Variants in LOXHD1 observed in about 807,000 individuals in gnomAD.
LOXHD1 encodes the protein lipoxygenase homology PLAT domains 1, also known as lipoxygenase homology domain-containing protein 1.
LOXHD1 carries 205 observed loss-of-function variants against 248.2 expected under a neutral mutation model. The ratio of observed to expected loss-of-function variants is 0.83; its 90% CI spans 0.74 to 0.93. The LOEUF (loss-of-function observed/expected upper bound fraction) is 0.93, where lower values mean the gene tolerates loss of function less well. Ranked by LOEUF, LOXHD1 falls within the 40% of genes least tolerant of loss-of-function variation. LOXHD1 has a pLI of 0.00. For synonymous variants in LOXHD1, 1,113 were observed against 1,162.8 expected (o/e 0.96, Z 0.87); for missense variants, 2,930 against 2,971.6 (o/e 0.99, Z 0.33).
chr18:46,532,712 A>ACAATGGTTC (rs2036127017), intron 28 of LOXHD1, among the ~76,000 whole-genome samples: 1 of 152,136 alleles, frequency 6.6e-6, no homozygotes, highest in Non-Finnish European at 1.5e-5. Flanking sequence ...GAACAAATAC[A>ACAATGGTTC]CAATGGTTCC....
chr18:46,611,998 C>T (rs1219606774), intron 5 of LOXHD1, among the ~76,000 whole-genome samples: 1 of 152,152 alleles, frequency 6.6e-6, no homozygotes, highest in Non-Finnish European at 1.5e-5. Context: ...TTGTCACATA[C>T]CCTTATGCTA....
chr18:46,652,962 C>T (rs1488308729), intron 1 of LOXHD1, among the ~76,000 whole-genome samples: 4 of 152,142 alleles, frequency 2.6e-5, no homozygotes, highest in African/African-American at 7.2e-5. Context: ...TTTAAAAGTT[C>T]AAGAACAGGC....
At chr18:46,601,128 G>T in intron 8 of LOXHD1, 89 bp downstream of exon 8, 1 of 1,459,880 alleles carries the variant, frequency 6.8e-7, no homozygotes, top group Non-Finnish European at 9.2e-7. Flanking sequence ...CTAGTTCAGA[G>T]AAGTAGCATT....
In LOXHD1 at chr18:46,477,773, A is replaced by C. The variant is rs1256175515; in HGVS notation, c.6521T>G (p.Val2174Gly). ...GTTGGCCCCAAAGATGGTCACGAAG[A>C]CGTTGGCATCAGTGCCTGCCCCTGG... ...YEPGAGTDAN[V>G]FVTIFGANGD... Residue 2174 changes from valine to glycine, a missense_variant, in exon 41 of 41, where the codon GTC becomes GGC. Val to Gly is a moderately radical substitution (Grantham distance 109). Coordinates refer to ENST00000642948, the MANE Select transcript of LOXHD1 (RefSeq NM_001384474.1). 1 of 1,551,860 alleles carries C rather than the reference A, an allele frequency of 6.4e-7. No homozygotes were observed. The highest frequency in any genetic ancestry group is 2.0e-5 in the Admixed American group (1 of 51,014).
At chr18:46,512,319 C>G (rs1356375131) in intron 34 of LOXHD1, among the ~76,000 whole-genome samples, 1 of 152,026 alleles carries the variant, frequency 6.6e-6, no homozygotes, top group Non-Finnish European at 1.5e-5. Context: ...GTGGCCCCAC[C>G]CAGAAACGAC....
intron 21 of LOXHD1, among the ~76,000 whole-genome samples, chr18:46,548,416 G>A (rs900510521): frequency 6.6e-6 from 1 of 152,186 alleles, no homozygotes; most frequent in Non-Finnish European, 1.5e-5. Context: ...CAGAACCAGA[G>A]AGCGAGATCT....
At chr18:46,543,637 A>G (rs1225245285) in intron 23 of LOXHD1, among the ~76,000 whole-genome samples, 1 of 151,966 alleles carries the variant, frequency 6.6e-6, no homozygotes, top group Non-Finnish European at 1.5e-5. Context: ...CTCACTGTTC[A>G]ACTCACAGTG....
In LOXHD1 at chr18:46,515,579, C is replaced by T. The variant is rs529152515; in HGVS notation, c.5399+2550G>A. Among the ~76,000 whole-genome samples the T allele has an allele frequency of 7.9e-5, 12 of 152,226 alleles. No individual in the cohort carries two copies. The South Asian group carries it at 1.5e-3, about 18-fold the overall frequency. ...TTTGGAATTTAGATACTTCCAGAAA[C>T]GAGATGCCTCTTCCACCAGCAATTA... On this transcript the variant is annotated intron_variant, in intron 34 of 40. Transcript: ENST00000642948.
chr18:46,533,464 C>A, intron 27 of LOXHD1, 140 bp from the exon 28 acceptor site: 1 of 826,518 alleles, frequency 1.2e-6, no homozygotes, highest in Admixed American at 2.8e-5. Flanking sequence ...CAGGAGAGCC[C>A]CTTGCCCCAA....
intron 12 of LOXHD1, among the ~76,000 whole-genome samples, chr18:46,589,040 A>G (rs576629370): frequency 1.3e-5 from 2 of 152,312 alleles, no homozygotes; most frequent in South Asian, 2.1e-4. Context: ...GGCATGGACC[A>G]ACAAAGTGGG....
At position 46,592,770 on chromosome 18, in the gene LOXHD1, G is replaced by A. The variant is rs115255153; in HGVS notation, c.1432-186C>T. On this transcript the variant is annotated intron_variant, in intron 10 of 40. Transcript: ENST00000642948. ...ATGACCCTTGTAACCAGGAGCACGT[G>A]AGGGCAAGACAGCCACAGAGGGCAA... 0.02 allele frequency among the ~76,000 whole-genome samples: 3,077 copies of A among 152,250 alleles called. 109 individuals carry two copies. Among genetic ancestry groups the A allele is most frequent in the African/African-American group, 0.07 (2,901 of 41,532 alleles).
chr18:46,478,062 G>A, intron 40 of LOXHD1, 110 bp from the exon 41 acceptor site: 1 of 1,373,408 alleles, frequency 7.3e-7, no homozygotes, highest in Non-Finnish European at 9.7e-7. Flanking sequence ...TTCCCAAGGT[G>A]ATGGGATATT....
At chr18:46,563,289 C>T in intron 17 of LOXHD1, 64 bp from the exon 18 acceptor site, 1 of 1,401,072 alleles carries the variant, frequency 7.1e-7, no homozygotes, top group Non-Finnish European at 9.4e-7. Context: ...ATGATAGTAA[C>T]AAAACAAACC....
intron 37 of LOXHD1, among the ~76,000 whole-genome samples, chr18:46,490,775 G>T (rs2033415280): frequency 6.6e-6 from 1 of 152,234 alleles, no homozygotes; most frequent in African/African-American, 2.4e-5. Context: ...TCGCCCGGCG[G>T]TAAGTTATTT....
In LOXHD1 at chr18:46,524,792, G is replaced by A. The variant is rs762118454; in HGVS notation, c.4656C>T (p.Asn1552=). The A allele has an allele frequency of 2.3e-5, 36 of 1,551,534 alleles. No individual in the cohort carries two copies. Among genetic ancestry groups the A allele is most frequent in the Non-Finnish European group, 2.4e-5 (28 of 1,146,982 alleles). Reference sequence around the variant, plus strand: ...CGCATAGGAACAGGAACTCGTCCTCGTTGGTGTCATTCCAGATCTCCACCT... The same window carrying A: ...CGCATAGGAACAGGAACTCGTCCTCATTGGTGTCATTCCAGATCTCCACCT... The part of the protein sequence containing the change: ...VEKVEIWNDT[N]EDEFLFLCGR... Residue 1552 remains asparagine (N), a synonymous_variant, in exon 30 of 41, where the codon AAC becomes AAT. Coordinates refer to ENST00000642948, the MANE Select transcript of LOXHD1 (RefSeq NM_001384474.1).
chr18:46,564,624 G>A (rs1045706869), intron 17 of LOXHD1, among the ~76,000 whole-genome samples: 2 of 144,556 alleles, frequency 1.4e-5, no homozygotes, highest in Non-Finnish European at 3.0e-5. Flanking sequence ...TGTTGGCATT[G>A]AAGAAGGGGG....
chr18:46,569,239 G>T (rs1490677859), intron 16 of LOXHD1, among the ~76,000 whole-genome samples: 1 of 152,182 alleles, frequency 6.6e-6, no homozygotes, highest in African/African-American at 2.4e-5. Context: ...CATATCTTCA[G>T]CTGCTCTAGG....
intron 13 of LOXHD1, 89 bp downstream of exon 13, chr18:46,579,541 G>T: frequency 6.6e-7 from 1 of 1,514,028 alleles, no homozygotes; most frequent in Non-Finnish European, 9.0e-7. Context: ...ACCAGCATCA[G>T]CTCAACTTTA....
intron 32 of LOXHD1, 140 bp from the exon 33 acceptor site, chr18:46,521,422 G>C: frequency 1.1e-6 from 1 of 914,776 alleles, no homozygotes; most frequent in South Asian, 1.6e-5. Flanking sequence ...AAGGTGAAGA[G>C]ATTTTGCAGA....
Sources: gnomAD v4.1 joint callset for allele counts (sites outside exome capture counted in the v4.1 genomes callset) on GRCh38, gnomAD v4.1.1 for gene constraint, MANE v1.5 for transcripts, NCBI Gene and HGNC (gene_info 2026-07-23, HGNC 2026-07-21) for gene names.